IGF1R: variants seen among roughly 807,000 people sequenced by gnomAD.
IGF1R encodes insulin like growth factor 1 receptor.
A neutral mutation model predicts 144.6 loss-of-function variants in IGF1R; 44 were observed. That is an observed-to-expected ratio of 0.30 (90% CI 0.24 to 0.39). The LOEUF (loss-of-function observed/expected upper bound fraction) is 0.39. Ranked by LOEUF, IGF1R falls within the 10% of genes least tolerant of loss-of-function variation. The pLI, the probability that IGF1R is intolerant of heterozygous loss-of-function variation, is 1.00. For missense variants in IGF1R, 1,355 were observed against 1,833.7 expected, an observed-to-expected ratio of 0.74 and a Z score of 4.77; for synonymous variants, 795 against 722.8, an observed-to-expected ratio of 1.10 and a Z score of -1.60.
chr15:98,941,379 GCCATTT>G (rs1251006684), intron 18 of IGF1R, among the ~76,000 whole-genome samples: 1 of 152,154 alleles, frequency 6.6e-6, no homozygotes, highest in East Asian at 1.9e-4. Context: ...TGTGCCAATT[GCCATTT>G]TAAATCCAAA....
chr15:98,794,160 C>T (rs570891609), intron 2 of IGF1R, among the ~76,000 whole-genome samples: 2 of 152,148 alleles, frequency 1.3e-5, no homozygotes, highest in African/African-American at 2.4e-5. Context: ...TACAAGATGT[C>T]GCACATTGAG....
At chr15:98,807,133 G>A (rs907263552) in intron 2 of IGF1R, among the ~76,000 whole-genome samples, 4 of 152,216 alleles carry the variant, frequency 2.6e-5, no homozygotes, top group African/African-American at 9.7e-5. Flanking sequence ...CAGTTGCTCA[G>A]TGAAATGCTT....
At chr15:98,835,741 A>G (rs185928121) in intron 2 of IGF1R, among the ~76,000 whole-genome samples, 2 of 152,312 alleles carry the variant, frequency 1.3e-5, no homozygotes, top group Admixed American at 1.3e-4. Flanking sequence ...GCTGGTCCCA[A>G]AATCACCTCT....
intron 20 of IGF1R, chr15:98,953,034 G>T (rs2016839229): frequency 6.6e-6 from 1 of 152,248 alleles, no homozygotes; most frequent in South Asian, 2.1e-4. Context: ...AGACATGAAA[G>T]AATGGCCTCC....
At chr15:98,926,361 TTAGA>T (rs555632149) in intron 13 of IGF1R, among the ~76,000 whole-genome samples, 333 of 152,154 alleles carry the variant, frequency 2.2e-3, no homozygotes, top group Non-Finnish European at 3.8e-3. Context: ...AAAATTTCAG[TTAGA>T]TAGGAGGAAT....
At position 98,812,942 on chromosome 15, in the gene IGF1R, G is replaced by A. The variant is rs546948557; in HGVS notation, c.641-78383G>A. ...TCGTTATCATTAAGTCCACAAACCT[G>A]CTTCCTGTCTCTTAGGCTGTTCCAG... On this transcript the variant is annotated intron_variant, in intron 2 of 20. Transcript: ENST00000650285. Among the ~76,000 whole-genome samples, 8 of 152,258 alleles carry A rather than the reference G, an allele frequency of 5.3e-5. No individual in the cohort carries two copies. In the East Asian group the frequency reaches 1.4e-3, roughly 26 times the overall value.
chr15:98,836,948 T>C (rs2011103652), intron 2 of IGF1R, among the ~76,000 whole-genome samples: 1 of 152,242 alleles, frequency 6.6e-6, no homozygotes, highest in Admixed American at 6.5e-5. Flanking sequence ...TTACCACTGA[T>C]GATCTCTTAG....
At chr15:98,681,356 C>T (rs370570806) in intron 1 of IGF1R, among the ~76,000 whole-genome samples, 62 of 152,308 alleles carry the variant, frequency 4.1e-4, no homozygotes, top group African/African-American at 1.4e-3. Flanking sequence ...TTGCATTCAC[C>T]ACCAGCTATT....
rs921198812 is a variant in IGF1R at position 98,958,589 on chromosome 15, C to T, written c.*1147C>T. Reference sequence around the variant, plus strand: ...ATTTTCTCTGTTCCTAGGACTTCTTCATGGGTCTTACAGTTCTATGTTAGA... The same window carrying T: ...ATTTTCTCTGTTCCTAGGACTTCTTTATGGGTCTTACAGTTCTATGTTAGA... On this transcript the variant is annotated 3_prime_UTR_variant, in exon 21 of 21. Transcript: ENST00000650285. 6.4e-5 allele frequency: 15 copies of T among 232,774 alleles called. No homozygotes were observed. Among genetic ancestry groups the T allele is most frequent in the South Asian group, 5.4e-4 (3 of 5,522 alleles). The allele number at this position is 232,774 out of a possible 1,614,324, so 14.4% of individuals were successfully genotyped here.
intron 10 of IGF1R, among the ~76,000 whole-genome samples, chr15:98,921,360 T>C (rs1175720056): frequency 6.6e-6 from 1 of 152,138 alleles, no homozygotes; most frequent in Non-Finnish European, 1.5e-5. Context: ...CCCTTTTTGG[T>C]GAGAATGTCC....
chr15:98,749,480 C>A (rs577250156), intron 2 of IGF1R, among the ~76,000 whole-genome samples: 2 of 152,128 alleles, frequency 1.3e-5, no homozygotes, highest in East Asian at 3.8e-4. Context: ...TTCATCAAGA[C>A]TAATTGATTA....
At chr15:98,759,897 A>G (rs965174747) in intron 2 of IGF1R, among the ~76,000 whole-genome samples, 7 of 152,218 alleles carry the variant, frequency 4.6e-5, no homozygotes, top group Admixed American at 2.0e-4. Context: ...CAAACAGTTC[A>G]GCTGCCTGTC....
At chr15:98,914,841 T>C (rs923807547) in intron 8 of IGF1R, among the ~76,000 whole-genome samples, 7 of 152,196 alleles carry the variant, frequency 4.6e-5, no homozygotes, top group Admixed American at 2.6e-4. Context: ...ATCGTAAGAA[T>C]GTATCTAGGA....
At chr15:98,832,579 G>A (rs191852654) in intron 2 of IGF1R, among the ~76,000 whole-genome samples, 18 of 152,288 alleles carry the variant, frequency 1.2e-4, no homozygotes, top group Admixed American at 1.1e-3. Context: ...ACAAGTTTCT[G>A]TGAATGTGAA....
At chr15:98,667,166 G>T (rs2052764179) in intron 1 of IGF1R, among the ~76,000 whole-genome samples, 3 of 32,020 alleles carry the variant, frequency 9.4e-5, no homozygotes, top group African/African-American at 2.1e-4. Context: ...AGGAAAGCAA[G>T]TCAGGAGTCA....
At chr15:98,714,127 A>G (rs1375995869) in intron 2 of IGF1R, among the ~76,000 whole-genome samples, 2 of 152,172 alleles carry the variant, frequency 1.3e-5, no homozygotes, top group Non-Finnish European at 2.9e-5. Flanking sequence ...TTTTACTGCC[A>G]TCTCACTGAT....
chr15:98,852,456 T>G (rs2011572438), intron 2 of IGF1R, among the ~76,000 whole-genome samples: 3 of 152,318 alleles, frequency 2.0e-5, no homozygotes, highest in African/African-American at 7.2e-5. Flanking sequence ...CGTTGGGAAA[T>G]TCCACCTTTC....
chr15:98,919,017 A>G (rs1198730390), intron 10 of IGF1R, among the ~76,000 whole-genome samples: 2 of 152,178 alleles, frequency 1.3e-5, no homozygotes, highest in African/African-American at 4.8e-5. Context: ...TCAGTGCCCA[A>G]GGCCATTTTC....
chr15:98,814,955 A>G (rs1377685866), intron 2 of IGF1R, among the ~76,000 whole-genome samples: 2 of 152,236 alleles, frequency 1.3e-5, no homozygotes, highest in East Asian at 1.9e-4. Flanking sequence ...TTAAACACAA[A>G]AGGATATTTT....
Sources: gnomAD v4.1 joint callset for allele counts (sites outside exome capture counted in the v4.1 genomes callset) on GRCh38, gnomAD v4.1.1 for gene constraint, MANE v1.5 for transcripts, NCBI Gene and HGNC (gene_info 2026-07-23, HGNC 2026-07-21) for gene names.